The following PPM1G variants were observed in gnomAD, a reference collection of about 807,000 sequenced individuals.
PPM1G encodes the protein protein phosphatase, Mg2+/Mn2+ dependent 1G.
A neutral mutation model predicts 59.4 loss-of-function variants in PPM1G; 12 were observed. That is an observed-to-expected ratio of 0.20 (90% CI 0.13 to 0.33). The LOEUF (loss-of-function observed/expected upper bound fraction) is 0.33, where lower values mean the gene tolerates loss of function less well. Ranked by LOEUF, PPM1G falls within the 10% of genes least tolerant of loss-of-function variation. PPM1G has a pLI of 1.00. For missense variants in PPM1G, 392 were observed against 681.3 expected (o/e 0.58, Z 4.73); for synonymous variants, 245 against 251.9 (o/e 0.97, Z 0.26).
chr2:27,404,811 G>A (rs1482661094), intron 1 of PPM1G, among the ~76,000 whole-genome samples: 2 of 151,632 alleles, frequency 1.3e-5, no homozygotes, highest in Non-Finnish European at 2.9e-5. Context: ...GGGCATGGTG[G>A]CAGGCGCCTG....
Position 27,383,388 on chromosome 2 carries a change from G to A in PPM1G, c.1179C>T (p.Gly393=). The A allele has an allele frequency of 6.2e-7, 1 of 1,614,060 alleles. No homozygotes were observed. Among genetic ancestry groups the A allele is most frequent in the Non-Finnish European group, 8.5e-7 (1 of 1,180,012 alleles). ...KVTMDGRVNG[G]LNLSRAIGDH... is the part of the protein sequence containing the mutation. ...TACCAATGGCTCTGGAGAGGTTGAG[G>A]CCCCCGTTGACTCGCCCATCCATGG... Residue 393 remains glycine, a synonymous_variant, in exon 7 of 10, where the codon GGC becomes GGT. Transcript: ENST00000344034. This position sits in a 1 kb window ranked among gnomAD's most constrained non-coding sequence, Gnocchi z 5.0.
At chr2:27,394,304 C>T (rs1683991591) in intron 1 of PPM1G, among the ~76,000 whole-genome samples, 1 of 152,172 alleles carries the variant, frequency 6.6e-6, no homozygotes, top group Non-Finnish European at 1.5e-5. Flanking sequence ...CTTCAGGAAA[C>T]ACACTATAAT....
Position 27,383,456 on chromosome 2 carries a change from C to T in PPM1G, c.1111G>A (p.Glu371Lys), listed in dbSNP as rs988109768. 6.2e-7 allele frequency: 1 copy of T among 1,614,172 alleles called. No homozygotes were observed. The highest frequency in any genetic ancestry group is 8.5e-7 in the Non-Finnish European group (1 of 1,180,036). ...TTCTTGATGCGTGCTAGTTCTACTTCATCCTCTGGTTTGTGATCATAGGAC... is the reference window on the plus strand; with the variant it reads ...TTCTTGATGCGTGCTAGTTCTACTTTATCCTCTGGTTTGTGATCATAGGAC... ...DMSYDHKPED[E>K]VELARIKNAG... is the part of the protein sequence containing the mutation. Residue 371 changes from glutamate (E) to lysine (K), a missense_variant, in exon 7 of 10, where the codon GAA (glutamate) becomes AAA (lysine). By Grantham distance (56) the Glu-to-Lys change is moderately conservative. Around this residue, in one of 6 missense-constraint regions of PPM1G, gnomAD observed 53 missense variants for 175.4 expected, o/e 0.30. Transcript: ENST00000344034. The surrounding 1 kb of genome is among the most constrained non-coding windows in gnomAD (Gnocchi z 5.0).
At chr2:27,392,286 G>GTT (rs70953857) in intron 1 of PPM1G, among the ~76,000 whole-genome samples, 1,682 of 69,916 alleles carry the variant, frequency 0.024, 96 homozygotes, top group African/African-American at 0.08. Flanking sequence ...GGTTTGTTTT[G>GTT]TTTTTTTTTT....
At chr2:27,409,193 C>A in intron 1 of PPM1G, 110 bp downstream of exon 1, 1 of 1,384,662 alleles carries the variant, frequency 7.2e-7, no homozygotes. Flanking sequence ...CCGCTGCGGC[C>A]GCAGGCTCCC....
chr2:27,387,064 T>C (rs556280991), intron 2 of PPM1G, 25 bp downstream of exon 2: 2 of 1,573,350 alleles, frequency 1.3e-6, no homozygotes, highest in African/African-American at 2.7e-5. Context: ...CCTAGAATGT[T>C]ACCAATATGA....
intron 1 of PPM1G, among the ~76,000 whole-genome samples, chr2:27,401,964 C>T (rs917865963): frequency 6.6e-6 from 1 of 151,902 alleles, no homozygotes; most frequent in East Asian, 1.9e-4. Context: ...GGTATATGAA[C>T]CATATGTGGT....
At chr2:27,401,351 T>C (rs1018628716) in intron 1 of PPM1G, among the ~76,000 whole-genome samples, 8 of 152,188 alleles carry the variant, frequency 5.3e-5, no homozygotes, top group South Asian at 2.1e-4. Context: ...ATATAAAAGG[T>C]AGTGTATTTA....
In PPM1G at chr2:27,383,626, T is replaced by G. The variant is rs1432078305; in HGVS notation, c.967-26A>C. ...CTTAAGAGGAAGAAAAGGAGCATCATGGGGGCTTCTGAACATGCGTTCCTC... is the reference window on the plus strand; with the variant it reads ...CTTAAGAGGAAGAAAAGGAGCATCAGGGGGGCTTCTGAACATGCGTTCCTC... On this transcript the variant is annotated intron_variant, in intron 6 of 9. Coordinates refer to ENST00000344034, the MANE Select transcript of PPM1G (RefSeq NM_177983.3). The surrounding 1 kb of genome is among the most constrained non-coding windows in gnomAD (Gnocchi z 5.0). 6.3e-7 allele frequency: 1 copy of G among 1,581,758 alleles called. No homozygotes were observed.
At position 27,400,610 on chromosome 2, in the gene PPM1G, A is replaced by G. The variant is rs576807380; in HGVS notation, c.120+8693T>C. On this transcript the variant is annotated intron_variant, in intron 1 of 9. Transcript: ENST00000344034. Reference sequence around the variant, plus strand: ...CTCCATGAAAATAAATGAATAAACAACAATAATTAAAACTGACCTCCTGGA... The same window carrying G: ...CTCCATGAAAATAAATGAATAAACAGCAATAATTAAAACTGACCTCCTGGA... Among the ~76,000 whole-genome samples the G allele has an allele frequency of 2.6e-5, 4 of 152,224 alleles. No homozygotes were observed. The South Asian group carries it at 8.3e-4, about 32-fold the overall frequency.
At chr2:27,388,586 A>G (rs1683822583) in intron 1 of PPM1G, among the ~76,000 whole-genome samples, 1 of 151,964 alleles carries the variant, frequency 6.6e-6, no homozygotes, top group Non-Finnish European at 1.5e-5. Flanking sequence ...AAAAGTATCT[A>G]CATGTGAGGA....
In PPM1G at chr2:27,383,747, G is replaced by T; in HGVS notation, c.967-147C>A. On this transcript the variant is annotated intron_variant, in intron 6 of 9. Transcript: ENST00000344034. The surrounding 1 kb of genome is among the most constrained non-coding windows in gnomAD (Gnocchi z 5.0). ...GAGAAGCACACATTTCATCTTTCTAGAGACAGCAGCACACTCCCTCTCCCT... is the reference window on the plus strand; with the variant it reads ...GAGAAGCACACATTTCATCTTTCTATAGACAGCAGCACACTCCCTCTCCCT... 8.7e-7 allele frequency: 1 copy of T among 1,152,706 alleles called. No homozygotes were observed. The highest frequency in any genetic ancestry group is 1.2e-6 in the Non-Finnish European group (1 of 823,722). 71.4% of individuals were successfully genotyped at this position (1,152,706 alleles called of 1,614,324 possible). A position where few individuals can be genotyped will look rare whatever the true frequency, so the allele number is the denominator to read the frequency against.
intron 1 of PPM1G, among the ~76,000 whole-genome samples, chr2:27,402,805 T>C (rs1333596167): frequency 8.5e-6 from 1 of 117,150 alleles, no homozygotes; most frequent in African/African-American, 3.6e-5. Context: ...AGACTCCATC[T>C]CAATAAATAA....
rs150785890 is a variant in PPM1G, at chr2:27,389,793, G to A, written c.121-2635C>T. Among the ~76,000 whole-genome samples the A allele has an allele frequency of 4.6e-5, 7 of 152,052 alleles. 1 individual carries two copies. Among genetic ancestry groups the A allele is most frequent in the African/African-American group, 1.4e-4 (6 of 41,482 alleles). ...AGCCTAGGCAACATAGCAAGACCCC[G>A]CCTCTACAAAAAAATTTTAAAGTTA... is the stretch of plus-strand genomic sequence containing the variant. On this transcript the variant is annotated intron_variant, in intron 1 of 9. Coordinates refer to ENST00000344034, the MANE Select transcript of PPM1G (RefSeq NM_177983.3).
At position 27,382,117 on chromosome 2, in the gene PPM1G, G is replaced by C; in HGVS notation, c.1434+9C>G. 1 of 1,611,314 alleles carries C rather than the reference G, an allele frequency of 6.2e-7. No homozygotes were observed. The highest frequency in any genetic ancestry group is 8.5e-7 in the Non-Finnish European group (1 of 1,177,518). On this transcript the variant is annotated intron_variant, in intron 9 of 9. Coordinates refer to ENST00000344034, the MANE Select transcript of PPM1G (RefSeq NM_177983.3). The surrounding 1 kb of genome is among the most constrained non-coding windows in gnomAD (Gnocchi z 4.2). ...CCAGACACCCTCTCTTCTCCACCCT[G>C]GTACTCACCTCTTCCACAATGGATG...
chr2:27,396,253 C>CA (rs1424933535), intron 1 of PPM1G, among the ~76,000 whole-genome samples: 1 of 152,122 alleles, frequency 6.6e-6, no homozygotes, highest in African/African-American at 2.4e-5. Flanking sequence ...GCCTGGGCGA[C>CA]AGAGCAGGAC....
At chr2:27,402,806 C>CAATAAATAAATA (rs201750083) in intron 1 of PPM1G, among the ~76,000 whole-genome samples, 8 of 140,902 alleles carry the variant, frequency 5.7e-5, no homozygotes, top group East Asian at 4.2e-4. Context: ...GACTCCATCT[C>CAATAAATAAATA]AATAAATAAA....
chr2:27,385,918 G>A lies in PPM1G; in HGVS notation c.277-39C>T. The A allele has an allele frequency of 1.3e-6, 2 of 1,597,728 alleles. No individual in the cohort carries two copies. Among genetic ancestry groups the A allele is most frequent in the Non-Finnish European group, 1.7e-6 (2 of 1,173,716 alleles). On this transcript the variant is annotated intron_variant, in intron 3 of 9. Coordinates refer to ENST00000344034, the MANE Select transcript of PPM1G (RefSeq NM_177983.3). The surrounding 1 kb of genome is among the most constrained non-coding windows in gnomAD (Gnocchi z 4.1). ...AAATAGTCTAAGACTAGTACAAAAT[G>A]AACTCCCTATATACAATCCTGAGCA...
At chr2:27,391,966 C>T (rs542404778) in intron 1 of PPM1G, among the ~76,000 whole-genome samples, 2 of 151,878 alleles carry the variant, frequency 1.3e-5, no homozygotes, top group South Asian at 4.2e-4. Context: ...TCCTGGACCT[C>T]GTGATCTGCC....
Sources: allele counts gnomAD v4.1 joint callset (sites outside exome capture counted in the v4.1 genomes callset), GRCh38; gene constraint gnomAD v4.1.1; regional missense constraint gnomAD v4.1.1; non-coding constraint Gnocchi (gnomAD v3.1); transcripts MANE v1.5; gene names NCBI Gene and HGNC (gene_info 2026-07-23, HGNC 2026-07-21).